TMEM59: variants seen among roughly 807,000 people sequenced by gnomAD.
TMEM59 encodes dendritic cell factor 1.
A neutral mutation model predicts 42.2 loss-of-function variants in TMEM59; 44 were observed. That is an observed-to-expected ratio of 1.04 (90% CI 0.82 to 1.34). The LOEUF (loss-of-function observed/expected upper bound fraction) is 1.34, where lower values mean the gene tolerates loss of function less well. Among genes scored for constraint, TMEM59 ranks in the 40% most tolerant of loss-of-function variants. The pLI, the probability that TMEM59 is intolerant of heterozygous loss-of-function variation, is 0.00. For missense variants in TMEM59, 359 were observed against 382.8 expected, an observed-to-expected ratio of 0.94 and a Z score of 0.52; for synonymous variants, 148 against 145.8, an observed-to-expected ratio of 1.02 and a Z score of -0.11.
rs1209829007 is a variant in TMEM59 at position 54,045,737 on chromosome 1, A to T, written c.345T>A (p.Leu115=). Reference sequence around the variant, plus strand: ...CGAATGGCAGCTGATTCTGGCAACCAAGATGGCAAGCATATTGCTCATCAG... The same window carrying T: ...CGAATGGCAGCTGATTCTGGCAACCTAGATGGCAAGCATATTGCTCATCAG... ...SQSDEQYACH[L]GCQNQLPFAE... The change falls in exon 3 of 8, where the codon CTT becomes CTA. Residue 115 remains leucine (L), a synonymous_variant. Coordinates refer to ENST00000234831, the MANE Select transcript of TMEM59 (RefSeq NM_004872.5). The T allele has an allele frequency of 6.2e-7, 1 of 1,614,154 alleles. No individual in the cohort carries two copies. Among genetic ancestry groups the T allele is most frequent in the Non-Finnish European group, 8.5e-7 (1 of 1,180,014 alleles).
At chr1:54,045,995 A>C (rs1187861801) in intron 2 of TMEM59, among the ~76,000 whole-genome samples, 1 of 152,210 alleles carries the variant, frequency 6.6e-6, no homozygotes, top group Admixed American at 6.5e-5. Context: ...TTTAGATACA[A>C]ATCTATTAAT....
intron 7 of TMEM59, chr1:54,033,154 T>A (rs1656822480): frequency 6.6e-6 from 1 of 151,102 alleles, no homozygotes; most frequent in African/African-American, 2.5e-5. Context: ...AATGATGGGG[T>A]CTTGCTATGT....
chr1:54,041,595 G>C, intron 5 of TMEM59, 129 bp downstream of exon 5: 1 of 704,728 alleles, frequency 1.4e-6, no homozygotes, highest in South Asian at 2.1e-5. Flanking sequence ...ACACATGAAA[G>C]TTTGAGAACC....
rs1375729278 is a variant in TMEM59, at chr1:54,030,069, C to A, written c.*2081G>T. 1 of 151,676 alleles carries A rather than the reference C, an allele frequency of 6.6e-6. No individual in the cohort carries two copies. Among genetic ancestry groups the A allele is most frequent in the South Asian group, 2.1e-4 (1 of 4,806 alleles). 9.4% of individuals were successfully genotyped at this position (151,676 alleles called of 1,614,324 possible). On this transcript the variant is annotated 3_prime_UTR_variant, in exon 8 of 8. Transcript: ENST00000234831. ...AAGAGAAATGAAGGTATCTCAGGCA[C>A]TTCTCATTCAGGAAGCGAAGAGAAA...
intron 5 of TMEM59, among the ~76,000 whole-genome samples, 172 bp downstream of exon 5, chr1:54,041,552 A>G (rs1557676680): frequency 6.6e-6 from 1 of 152,214 alleles, no homozygotes; most frequent in African/African-American, 2.4e-5. Context: ...GGGCCCAGCA[A>G]TCTGTGTTTG....
rs1557674471 is a variant in TMEM59 at position 54,036,690 on chromosome 1, G to A, written c.736C>T (p.Leu246Phe). ...AGCAATACCATCACCGAGAGGACAA[G>A]AGTTGTAGTTAAAATCCACCCAGAG... ...LNSGWILTTT[L>F]VLSVMVLLWI... Residue 246 changes from leucine to phenylalanine, a missense_variant, in exon 7 of 8, where the codon CTT (leucine) becomes TTT (phenylalanine). Physicochemically the swap from Leu to Phe is conservative, Grantham distance 22. Coordinates refer to ENST00000234831, the MANE Select transcript of TMEM59 (RefSeq NM_004872.5). 1 of 1,604,304 alleles carries A rather than the reference G, an allele frequency of 6.2e-7. No homozygotes were observed. The highest frequency in any genetic ancestry group is 1.3e-5 in the African/African-American group (1 of 74,266).
upstream of TMEM59, chr1:54,053,438 T>A (rs983686423): frequency 5.7e-6 from 3 of 521,996 alleles, no homozygotes; most frequent in Non-Finnish European, 1.0e-5. Flanking sequence ...AAGCGGGGCC[T>A]CCTGACTTCT....
intron 1 of TMEM59, among the ~76,000 whole-genome samples, chr1:54,049,248 A>G (rs1166384628): frequency 1.3e-5 from 2 of 152,250 alleles, no homozygotes; most frequent in Non-Finnish European, 2.9e-5. Context: ...AATAAGGACA[A>G]TACTCTTACA....
At chr1:54,035,029 G>T (rs1429652063) in intron 7 of TMEM59, 1 of 152,156 alleles carries the variant, frequency 6.6e-6, no homozygotes, top group Non-Finnish European at 1.5e-5. Context: ...TTGGTTAAAG[G>T]ACACAACATT....
At chr1:54,036,746 A>G in intron 6 of TMEM59, 28 bp from the exon 7 acceptor site, 1 of 1,485,982 alleles carries the variant, frequency 6.7e-7, no homozygotes, top group African/African-American at 1.4e-5. Flanking sequence ...ACAATTAGTT[A>G]TATTAAAATT....
chr1:54,052,962 CAAGGG>C lies in TMEM59; in HGVS notation c.189+33_189+37del, dbSNP rs747104241. The C allele has an allele frequency of 9.5e-6, 15 of 1,577,298 alleles. No homozygotes were observed. The Admixed American group carries it at 2.7e-4, about 28-fold the overall frequency. On this transcript the variant is annotated intron_variant, in intron 1 of 7. Coordinates refer to ENST00000234831, the MANE Select transcript of TMEM59 (RefSeq NM_004872.5). ...GTGTGGGGAGCCGAGAAATGGGCTG[CAAGGG>C]AAGGGTCGCAGCCCGCTCCGGACGG...
At chr1:54,046,062 T>C (rs1657322786) in intron 2 of TMEM59, among the ~76,000 whole-genome samples, 1 of 152,178 alleles carries the variant, frequency 6.6e-6, no homozygotes, top group Admixed American at 6.5e-5. Context: ...CCTTGTGTGG[T>C]GGAAAATGCA....
rs1014722340 is a variant in TMEM59 at position 54,036,641 on chromosome 1, G to A, written c.785C>T (p.Ala262Val). Residue 262 changes from alanine to valine, a missense_variant, in exon 7 of 8, where the codon GCT (alanine) becomes GTT (valine). Coordinates refer to ENST00000234831, the MANE Select transcript of TMEM59 (RefSeq NM_004872.5). ...GGGAACATACTGCTCCACAGCTGTAGCAACAGTTGCACAACAAATCCAAAG... is the reference window on the plus strand; with the variant it reads ...GGGAACATACTGCTCCACAGCTGTAACAACAGTTGCACAACAAATCCAAAG... ...VLLWICCATVATAVEQYVPSE... is the reference protein window; with the variant it reads ...VLLWICCATVVTAVEQYVPSE... 2 of 1,608,122 alleles carry A rather than the reference G, an allele frequency of 1.2e-6. No individual in the cohort carries two copies. Among genetic ancestry groups the A allele is most frequent in the Admixed American group, 1.7e-5 (1 of 59,534 alleles).
intron 1 of TMEM59, among the ~76,000 whole-genome samples, chr1:54,051,620 C>A (rs1191165877): frequency 6.6e-6 from 1 of 152,028 alleles, no homozygotes; most frequent in Non-Finnish European, 1.5e-5. Flanking sequence ...GGAAACAAAC[C>A]CTAGAACAAT....
intron 1 of TMEM59, chr1:54,048,724 A>G: frequency 2.5e-6 from 1 of 400,982 alleles, no homozygotes; most frequent in South Asian, 2.0e-5. Context: ...TTAGCAACCA[A>G]TGAAATACAA....
At chr1:54,048,054 T>C (rs1413348025) in intron 1 of TMEM59, 4 of 152,244 alleles carry the variant, frequency 2.6e-5, no homozygotes, top group Non-Finnish European at 4.4e-5. Context: ...CTAGGACCAA[T>C]GGCATACTTC....
At position 54,052,992 on chromosome 1, in the gene TMEM59, G is replaced by A. The variant is rs760090439; in HGVS notation, c.189+8C>T. ...GAAGGGTCGCAGCCCGCTCCGGACG[G>A]GCCCTACCTTAGGGTAGGTGTGCAA... On this transcript the variant is annotated splice_region_variant and intron_variant, in intron 1 of 7. Transcript: ENST00000234831. 1.9e-6 allele frequency: 3 copies of A among 1,609,154 alleles called. No individual in the cohort carries two copies. The highest frequency in any genetic ancestry group is 1.7e-5 in the Admixed American group (1 of 59,758).
rs781339783 is a variant in TMEM59, at chr1:54,043,371, A to G, written c.543+2T>C. ...GATGAATCCATGAAGCTCAGTTGTC[A>G]CCTGGAATATAACTATTTTTCCGTC... On this transcript the variant is annotated splice_donor_variant, in intron 4 of 7. Transcript: ENST00000234831. LOFTEE classifies it high-confidence loss of function. 1 of 1,536,100 alleles carries G rather than the reference A, an allele frequency of 6.5e-7. No homozygotes were observed. The highest frequency in any genetic ancestry group is 2.1e-5 in the Admixed American group (1 of 47,188).
intron 1 of TMEM59, among the ~76,000 whole-genome samples, chr1:54,050,968 C>T (rs1311127902): frequency 6.6e-6 from 1 of 152,000 alleles, no homozygotes; most frequent in Non-Finnish European, 1.5e-5. Context: ...AAGCAAGCCT[C>T]CCACCGAGTA....
Sources: allele counts gnomAD v4.1 joint callset (sites outside exome capture counted in the v4.1 genomes callset), GRCh38; gene constraint gnomAD v4.1.1; transcripts MANE v1.5; gene names NCBI Gene and HGNC (gene_info 2026-07-23, HGNC 2026-07-21).